Variants in NCOA3 observed in about 807,000 individuals in gnomAD.
NCOA3 encodes the protein nuclear receptor coactivator 3.
Under a neutral mutation model 158.8 loss-of-function variants are expected in NCOA3, and 51 were observed. That is an observed-to-expected ratio of 0.32 (90% CI 0.26 to 0.41). The LOEUF (loss-of-function observed/expected upper bound fraction) is 0.41. Ranked by LOEUF, NCOA3 falls within the 10% of genes least tolerant of loss-of-function variation. The pLI is 1.00. For missense variants in NCOA3, 1,510 were observed against 1,746.6 expected (o/e 0.86, Z 2.41); for synonymous variants, 537 against 592.4 (o/e 0.91, Z 1.36).
chr20:47,599,363 G>A (rs1377396616), intron 2 of NCOA3, among the ~76,000 whole-genome samples: 1 of 151,980 alleles, frequency 6.6e-6, no homozygotes, highest in Non-Finnish European at 1.5e-5. Context: ...TAGGTGGAAG[G>A]TTGGGTTATA....
Position 47,647,188 on chromosome 20 carries a change from A to C in NCOA3, c.3368A>C (p.Gln1123Pro). 1 of 1,614,068 alleles carries C rather than the reference A, an allele frequency of 6.2e-7. No homozygotes were observed. Residue 1123 changes from glutamine (Q) to proline (P), a missense_variant, in exon 18 of 23, where the codon CAA (glutamine) becomes CCA (proline). Gln to Pro is a moderately conservative substitution (Grantham distance 76). Coordinates refer to ENST00000371998, the MANE Select transcript of NCOA3 (RefSeq NM_181659.3). ...TACCCAGCACAGGGGCCTCCAATGC[A>C]AGGAGGCTTTCATCTTCAGGGACAA... Reference protein sequence around the residue: ...QTYPAQGPPMQGGFHLQGQSP... With the variant: ...QTYPAQGPPMPGGFHLQGQSP...
chr20:47,511,524 G>GATATATATATATAT (rs34123990), intron 1 of NCOA3, among the ~76,000 whole-genome samples: 59 of 21,988 alleles, frequency 2.7e-3, no homozygotes, highest in African/African-American at 5.0e-3. Context: ...TCTCTCTCGA[G>GATATATATATATAT]ATATATATAT....
chr20:47,622,400 C>T, intron 3 of NCOA3, 70 bp downstream of exon 3: 1 of 1,067,178 alleles, frequency 9.4e-7, no homozygotes, highest in Middle Eastern at 2.1e-4. Context: ...ATTTTAACTT[C>T]TTGCCATTTA....
chr20:47,516,106 T>C (rs1472003211), intron 1 of NCOA3, among the ~76,000 whole-genome samples: 6 of 152,190 alleles, frequency 3.9e-5, no homozygotes, highest in Non-Finnish European at 4.4e-5. Flanking sequence ...GATACTATAA[T>C]GGTAGATACA....
intron 11 of NCOA3, 79 bp from the exon 12 acceptor site, chr20:47,635,812 A>C: frequency 6.7e-7 from 1 of 1,498,172 alleles, no homozygotes; most frequent in Non-Finnish European, 8.9e-7. Context: ...TTTATAATAG[A>C]AACTTTGAAG....
rs185708273 is a variant in NCOA3 at position 47,639,908 on chromosome 20, T to G, written c.2954-17T>G. Reference sequence around the variant, plus strand: ...TGCTCTTATTTGAGAATTTGTGCTTTCTTTTTGCTCCCCCAGGGCCTGGTG... The same window carrying G: ...TGCTCTTATTTGAGAATTTGTGCTTGCTTTTTGCTCCCCCAGGGCCTGGTG... On this transcript the variant is annotated splice_polypyrimidine_tract_variant and intron_variant, in intron 15 of 22. Coordinates refer to ENST00000371998, the MANE Select transcript of NCOA3 (RefSeq NM_181659.3). 951 of 1,613,752 alleles carry G rather than the reference T, an allele frequency of 5.9e-4. No homozygotes were observed. The highest frequency in any genetic ancestry group is 7.2e-4 in the Non-Finnish European group (844 of 1,179,840).
chr20:47,514,014 G>T (rs997699028), intron 1 of NCOA3, among the ~76,000 whole-genome samples: 1 of 152,088 alleles, frequency 6.6e-6, no homozygotes. Context: ...TGGTTCCAGG[G>T]CAGGGAAGGA....
At chr20:47,595,137 C>T (rs1241685457) in intron 2 of NCOA3, among the ~76,000 whole-genome samples, 4 of 146,468 alleles carry the variant, frequency 2.7e-5, no homozygotes, top group Non-Finnish European at 6.0e-5. Context: ...CTCACTCTGT[C>T]ACCCTAGTTG....
chr20:47,653,655 G>GT lies in NCOA3; in HGVS notation c.*244dup, dbSNP rs2086832516. 2 of 513,386 alleles carry GT rather than the reference G, an allele frequency of 3.9e-6. No homozygotes were observed. Among genetic ancestry groups the GT allele is most frequent in the Admixed American group, 6.8e-5 (2 of 29,318 alleles). 31.8% of individuals were successfully genotyped at this position (513,386 alleles called of 1,614,324 possible). ...GTATCATGGTGTTCAAAACAGAAAT[G>GT]TTTTTTGGCATTCCACCTCCTAGGG... On this transcript the variant is annotated 3_prime_UTR_variant, in exon 23 of 23. Transcript: ENST00000371998.
chr20:47,512,041 G>A (rs1314479373), intron 1 of NCOA3, among the ~76,000 whole-genome samples: 2 of 151,974 alleles, frequency 1.3e-5, no homozygotes, highest in Non-Finnish European at 2.9e-5. Context: ...CAGGCTGGGT[G>A]CAGGGGCTCA....
intron 2 of NCOA3, among the ~76,000 whole-genome samples, chr20:47,621,650 T>G: frequency 7.2e-6 from 1 of 139,390 alleles, no homozygotes; most frequent in African/African-American, 2.8e-5. Flanking sequence ...TTTCCATCAG[T>G]CAAATTTTTT....
chr20:47,514,792 C>T (rs922337331), intron 1 of NCOA3, among the ~76,000 whole-genome samples: 11 of 146,186 alleles, frequency 7.5e-5, no homozygotes, highest in South Asian at 2.2e-4. Flanking sequence ...TCTCAGCTCA[C>T]TGCAACCTCC....
At chr20:47,646,597 C>T (rs2086689346) in intron 17 of NCOA3, among the ~76,000 whole-genome samples, 1 of 152,028 alleles carries the variant, frequency 6.6e-6, no homozygotes, top group South Asian at 2.1e-4. Context: ...ATGAGAGCAC[C>T]TAAGTAGAAA....
intron 1 of NCOA3, among the ~76,000 whole-genome samples, chr20:47,578,376 G>A (rs901365249): frequency 1.3e-5 from 2 of 152,022 alleles, no homozygotes; most frequent in African/African-American, 4.8e-5. Context: ...AGTAGAGATG[G>A]GGTTTAGCCA....
Position 47,622,282 on chromosome 20 carries a change from C to T in NCOA3, c.35C>T (p.Ala12Val). The T allele has an allele frequency of 3.1e-6, 5 of 1,606,764 alleles. No individual in the cohort carries two copies. The highest frequency in any genetic ancestry group is 4.2e-6 in the Non-Finnish European group (5 of 1,177,158). The change falls in exon 3 of 23, where the codon GCC becomes GTC. Residue 12 changes from alanine (A) to valine (V), a missense_variant. Coordinates refer to ENST00000371998, the MANE Select transcript of NCOA3 (RefSeq NM_181659.3). ...SGLGENLDPL[A>V]SDSRKRKLPC... is the part of the protein sequence containing the mutation. ...TTAGGAGAAAACTTGGATCCACTGG[C>T]CAGTGATTCACGAAAACGCAAATTG...
rs1217239831 is a variant in NCOA3, at chr20:47,654,852, G to GTGTGTGTGTGTA, written c.*1447_*1458dup. 6.8e-6 allele frequency: 1 copy of GTGTGTGTGTGTA among 146,714 alleles called. No individual in the cohort carries two copies. Among genetic ancestry groups the GTGTGTGTGTGTA allele is most frequent in the Non-Finnish European group, 1.5e-5 (1 of 67,006 alleles). The allele number at this position is 146,714 out of a possible 1,614,324, so 9.1% of individuals were successfully genotyped here. ...GAAATAATAGCAATTCATGGGCTGT[G>GTGTGTGTGTGTA]TGTGTGTGTGTATGTGTGTGTGTGT... On this transcript the variant is annotated 3_prime_UTR_variant, in exon 23 of 23. Coordinates refer to ENST00000371998, the MANE Select transcript of NCOA3 (RefSeq NM_181659.3).
chr20:47,510,388 G>A (rs1306555332), intron 1 of NCOA3, among the ~76,000 whole-genome samples: 2 of 122,302 alleles, frequency 1.6e-5, no homozygotes, highest in Non-Finnish European at 1.6e-5. Context: ...AGCTGAGATC[G>A]CGCCACTGCA....
intron 8 of NCOA3, among the ~76,000 whole-genome samples, chr20:47,631,697 T>C (rs1045323963): frequency 6.6e-6 from 1 of 152,238 alleles, no homozygotes; most frequent in African/African-American, 2.4e-5. Context: ...TGGCTTACTT[T>C]AAGTAGGTAT....
intron 1 of NCOA3, among the ~76,000 whole-genome samples, chr20:47,581,431 C>CA (rs752882928): frequency 5.3e-5 from 8 of 152,176 alleles, no homozygotes; most frequent in Non-Finnish European, 1.0e-4. Context: ...GTTTCAGAAA[C>CA]ACAACAGACC....
Sources: allele counts gnomAD v4.1 joint callset (sites outside exome capture counted in the v4.1 genomes callset), GRCh38; gene constraint gnomAD v4.1.1; transcripts MANE v1.5; gene names NCBI Gene and HGNC (gene_info 2026-07-23, HGNC 2026-07-21).